SNAP47: variants seen among roughly 807,000 people sequenced by gnomAD.
The protein encoded by SNAP47 is synaptosome associated protein 47.
A neutral mutation model predicts 31.4 loss-of-function variants in SNAP47; 20 were observed. The ratio of observed to expected loss-of-function variants is 0.64; its 90% CI spans 0.45 to 0.93. SNAP47 has a LOEUF of 0.93. Ranked by LOEUF, SNAP47 falls within the 40% of genes least tolerant of loss-of-function variation. The pLI, the probability that SNAP47 is intolerant of heterozygous loss-of-function variation, is 0.00. For missense variants in SNAP47, 492 were observed against 528.5 expected (o/e 0.93, Z 0.68); for synonymous variants, 194 against 213.4 (o/e 0.91, Z 0.79).
chr1:227,737,479 C>G (rs1367832849), intron 1 of SNAP47, among the ~76,000 whole-genome samples: 1 of 152,224 alleles, frequency 6.6e-6, no homozygotes, highest in Admixed American at 6.5e-5. Flanking sequence ...CTTGTAAAAT[C>G]TGGACACTGG....
upstream of SNAP47, chr1:227,733,339 G>A: frequency 6.8e-7 from 1 of 1,460,056 alleles, no homozygotes; most frequent in Non-Finnish European, 9.2e-7. Flanking sequence ...GCTCTGGCTG[G>A]GAGAGTGGGG....
upstream of SNAP47, among the ~76,000 whole-genome samples, chr1:227,728,331 G>T (rs1660440184): frequency 6.6e-6 from 1 of 152,086 alleles, no homozygotes; most frequent in Non-Finnish European, 1.5e-5. Context: ...CTGCAGGGCC[G>T]GTGCTTGCCA....
At chr1:227,728,816 G>A (rs1394724943) in intron 1 of SNAP47, 3 of 152,242 alleles carry the variant, frequency 2.0e-5, no homozygotes, top group Admixed American at 6.5e-5. Context: ...TTCCCGACAG[G>A]AGAGGCGAGG....
At chr1:227,756,383 C>T (rs1010548474) in intron 2 of SNAP47, among the ~76,000 whole-genome samples, 1 of 152,194 alleles carries the variant, frequency 6.6e-6, no homozygotes, top group Non-Finnish European at 1.5e-5. Context: ...TTTGAGATTC[C>T]TAGGTATGAG....
At chr1:227,733,173 A>AG (rs1197271536), upstream of SNAP47, 2 of 998,598 alleles carry the variant, frequency 2.0e-6, no homozygotes, top group Non-Finnish European at 2.9e-6. Context: ...CTTGCTCAGC[A>AG]GGGAAGTGGG....
chr1:227,752,463 T>G (rs1431689819), intron 2 of SNAP47, among the ~76,000 whole-genome samples: 2 of 152,152 alleles, frequency 1.3e-5, no homozygotes, highest in Non-Finnish European at 2.9e-5. Context: ...TTGGCTTCTT[T>G]AGGTCCCACA....
At chr1:227,768,376 G>T (rs76677294) in intron 4 of SNAP47, 20,612 of 970,564 alleles carry the variant, frequency 0.021, 249 homozygotes, top group Non-Finnish European at 0.024. Flanking sequence ...TGGGTCTGGG[G>T]CTCTGTCAGG....
At chr1:227,734,985 G>C, upstream of SNAP47, 1 of 1,509,098 alleles carries the variant, frequency 6.6e-7, no homozygotes, top group Non-Finnish European at 8.8e-7. Flanking sequence ...TTTCCTCCCC[G>C]CCCGGGGTCT....
upstream of SNAP47, chr1:227,732,867 C>A: frequency 3.1e-6 from 5 of 1,612,010 alleles, no homozygotes; most frequent in Non-Finnish European, 4.2e-6. Context: ...AGCCTCCATG[C>A]GTAGCCACCC....
rs1015220282 is a variant in SNAP47, at chr1:227,776,542, G to A, written c.1114-3985G>A. The A allele has an allele frequency of 6.1e-6, 6 of 985,378 alleles. No individual in the cohort carries two copies. The African/African-American group carries it at 1.0e-4, about 17-fold the overall frequency. 61.0% of individuals were successfully genotyped at this position (985,378 alleles called of 1,614,324 possible). A position where few individuals can be genotyped will look rare whatever the true frequency, so the allele number is the denominator to read the frequency against. The stretch of plus-strand genomic sequence containing the variant: ...GGAGCTGACAGCATCCTGCACAATG[G>A]CTAGATGGCTTGTCACCCCAGGCCG... On this transcript the variant is annotated intron_variant, in intron 4 of 4. Transcript: ENST00000617596.
In SNAP47 at chr1:227,747,926, A is replaced by T. The variant is rs764943051; in HGVS notation, c.190A>T (p.Ile64Phe). 7 of 1,614,060 alleles carry T rather than the reference A, an allele frequency of 4.3e-6. No homozygotes were observed. The South Asian group carries it at 7.7e-5, about 18-fold the overall frequency. ...GATCAAGAAGGAGGCTTCACATTTT[A>T]TCTTCAGCTCCATCACCATCCTGGA... ...VEIKKEASHFIFSSITILEKG... is the reference protein window; with the variant it reads ...VEIKKEASHFFFSSITILEKG... The change falls in exon 2 of 5, where the codon ATC becomes TTC. Residue 64 changes from isoleucine to phenylalanine, a missense_variant. By Grantham distance (21) the Ile-to-Phe change is conservative. Transcript: ENST00000617596.
chr1:227,733,394 C>T (rs752852960), upstream of SNAP47: 5 of 1,564,810 alleles, frequency 3.2e-6, no homozygotes, highest in African/African-American at 4.1e-5. Flanking sequence ...TGATAGGGGG[C>T]AGGAGAAGCA....
intron 4 of SNAP47, among the ~76,000 whole-genome samples, chr1:227,772,835 G>C (rs1198730773): frequency 6.6e-6 from 1 of 152,162 alleles, no homozygotes; most frequent in Non-Finnish European, 1.5e-5. Context: ...CCCATTGAAT[G>C]GTCTTGACAC....
intron 2 of SNAP47, among the ~76,000 whole-genome samples, chr1:227,755,530 G>A (rs1444646272): frequency 6.6e-6 from 1 of 152,106 alleles, no homozygotes; most frequent in African/African-American, 2.4e-5. Context: ...GGGATAACAG[G>A]TGCACACCAC....
chr1:227,780,705 C>A lies in SNAP47; in HGVS notation c.*32C>A. The stretch of plus-strand genomic sequence containing the variant: ...AACGTCCCTGCATTCCTGTCTCACC[C>A]TGCACATCCCGCTGAGATGGAGGGC... On this transcript the variant is annotated 3_prime_UTR_variant, in exon 5 of 5. Transcript: ENST00000617596. 1 of 1,612,506 alleles carries A rather than the reference C, an allele frequency of 6.2e-7. No individual in the cohort carries two copies. The highest frequency in any genetic ancestry group is 1.1e-5 in the South Asian group (1 of 90,974).
At position 227,758,921 on chromosome 1, in the gene SNAP47, G is replaced by T. The variant is rs953009467; in HGVS notation, c.498-74G>T. On this transcript the variant is annotated intron_variant, in intron 2 of 4. Coordinates refer to ENST00000617596, the MANE Select transcript of SNAP47 (RefSeq NM_053052.4). ...AACATGCTTTACAAAGGTTAAAACCGTTTTCCAAAAAAAAAGGTATTACTC... is the reference window on the plus strand; with the variant it reads ...AACATGCTTTACAAAGGTTAAAACCTTTTTCCAAAAAAAAAGGTATTACTC... The T allele has an allele frequency of 6.6e-6, 10 of 1,507,764 alleles. No individual in the cohort carries two copies. In the Admixed American group the frequency reaches 1.4e-4, roughly 21 times the overall value. The allele number at this position is 1,507,764 out of a possible 1,614,324, so 93.4% of individuals were successfully genotyped here.
intron 4 of SNAP47, among the ~76,000 whole-genome samples, chr1:227,778,914 C>T (rs1431554336): frequency 1.3e-5 from 2 of 152,234 alleles, no homozygotes; most frequent in African/African-American, 4.8e-5. Context: ...GGGCTCTAGT[C>T]AGGCATTTAT....
chr1:227,748,266 C>A, intron 2 of SNAP47, 33 bp downstream of exon 2: 1 of 1,516,050 alleles, frequency 6.6e-7, no homozygotes, highest in South Asian at 1.3e-5. Context: ...GCAAGGCACA[C>A]ACAGAGTAAG....
chr1:227,735,626 G>C, intron 1 of SNAP47, 127 bp downstream of exon 1: 1 of 1,325,940 alleles, frequency 7.5e-7, no homozygotes, highest in Non-Finnish European at 9.6e-7. Flanking sequence ...GGGGGGTGGG[G>C]GGTATGCGGG....
Sources: allele counts gnomAD v4.1 joint callset (sites outside exome capture counted in the v4.1 genomes callset), GRCh38; gene constraint gnomAD v4.1.1; transcripts MANE v1.5; gene names NCBI Gene and HGNC (gene_info 2026-07-23, HGNC 2026-07-21).